Variants in HEATR1 observed in about 807,000 individuals in gnomAD.
The protein encoded by HEATR1 is HEAT repeat containing 1.
In HEATR1, 77 loss-of-function variants were observed where a neutral mutation model predicts 248.2. The observed-to-expected ratio is 0.31, with a 90% CI of 0.26 to 0.37. HEATR1 has a LOEUF of 0.37. Among genes scored for constraint, HEATR1 ranks in the 10% least tolerant of loss-of-function variants. HEATR1 has a pLI of 1.00. For synonymous variants in HEATR1, 897 were observed against 923.1 expected, an observed-to-expected ratio of 0.97 and a Z score of 0.51; for missense variants, 2,420 against 2,504.9, an observed-to-expected ratio of 0.97 and a Z score of 0.72.
At position 236,586,109 on chromosome 1, in the gene HEATR1, C is replaced by T. The variant is rs536551410; in HGVS notation, c.1927+132G>A. 219 of 1,237,856 alleles carry T rather than the reference C, an allele frequency of 1.8e-4. 2 individuals carry two copies. The South Asian group carries it at 2.8e-3, about 16-fold the overall frequency. 76.7% of individuals were successfully genotyped at this position (1,237,856 alleles called of 1,614,324 possible). On this transcript the variant is annotated intron_variant, in intron 15 of 44. Transcript: ENST00000366582. ...GAATTGGCTTCCTTTTCACTGTATA[C>T]TTTTTATCTTGGCAAAAATTTTAAA... is the stretch of plus-strand genomic sequence containing the variant.
At chr1:236,587,757 ATATTT>A (rs2103147771) in intron 13 of HEATR1, among the ~76,000 whole-genome samples, 186 bp downstream of exon 13, 1 of 152,238 alleles carries the variant, frequency 6.6e-6, no homozygotes, top group South Asian at 2.1e-4. Context: ...ACTTCCATAT[ATATTT>A]AATATATCAA....
chr1:236,582,887 A>G lies in HEATR1; in HGVS notation c.2426-15T>C. On this transcript the variant is annotated splice_polypyrimidine_tract_variant and intron_variant, in intron 18 of 44. Transcript: ENST00000366582. ...CCATATATCACCTACAAGGACATGG[A>G]AAGAGAAATGATGCTAGATCCTACA... is the stretch of plus-strand genomic sequence containing the variant. The G allele has an allele frequency of 1.2e-6, 2 of 1,613,374 alleles. No homozygotes were observed. The highest frequency in any genetic ancestry group is 1.7e-6 in the Non-Finnish European group (2 of 1,179,326).
At chr1:236,589,447 CTTAAAA>C (rs977476446) in intron 12 of HEATR1, among the ~76,000 whole-genome samples, 12 of 152,088 alleles carry the variant, frequency 7.9e-5, no homozygotes, top group Non-Finnish European at 1.6e-4. Flanking sequence ...TATATATCAA[CTTAAAA>C]TTAAGTATAA....
In HEATR1 at chr1:236,568,991, C is replaced by A. The variant is rs377467213; in HGVS notation, c.4077+5G>T. ...AAACCCCACGATGGTATAAAGAGAC[C>A]TTACCTGAATAAGTGCGGGAATAAC... On this transcript the variant is annotated splice_donor_5th_base_variant and intron_variant, in intron 29 of 44. Coordinates refer to ENST00000366582, the MANE Select transcript of HEATR1 (RefSeq NM_018072.6). 4 of 1,565,342 alleles carry A rather than the reference C, an allele frequency of 2.6e-6. No homozygotes were observed. Among genetic ancestry groups the A allele is most frequent in the Non-Finnish European group, 3.4e-6 (4 of 1,160,568 alleles).
At chr1:236,552,838 T>C (rs1239753864) in intron 43 of HEATR1, 3 of 152,238 alleles carry the variant, frequency 2.0e-5, no homozygotes, top group South Asian at 2.1e-4. Flanking sequence ...TTTCCTTGAT[T>C]TGTGCAAAGT....
At position 236,598,396 on chromosome 1, in the gene HEATR1, C is replaced by T. The variant is rs113441402; in HGVS notation, c.502-417G>A. 1.5e-3 allele frequency among the ~76,000 whole-genome samples: 222 copies of T among 152,188 alleles called. 2 individuals are homozygous for T. The highest frequency in any genetic ancestry group is 4.9e-3 in the African/African-American group (205 of 41,516). The stretch of plus-strand genomic sequence containing the variant: ...TTATACCACTATTCCCACCATCTAG[C>T]GTTGTACATGGTATGTAATAGATGC... On this transcript the variant is annotated intron_variant, in intron 4 of 44. Transcript: ENST00000366582.
chr1:236,553,178 G>GA (rs1662831313), intron 43 of HEATR1, among the ~76,000 whole-genome samples: 1 of 152,236 alleles, frequency 6.6e-6, no homozygotes, highest in South Asian at 2.1e-4. Context: ...ATAAACAACA[G>GA]AATGTATTGC....
chr1:236,603,978 C>T lies in HEATR1; in HGVS notation c.118G>A (p.Asp40Asn). The T allele has an allele frequency of 6.3e-7, 1 of 1,596,616 alleles. No homozygotes were observed. The highest frequency in any genetic ancestry group is 8.5e-7 in the Non-Finnish European group (1 of 1,174,702). The change falls in exon 2 of 45, where the codon GAC becomes AAC. Residue 40 changes from aspartate to asparagine, a missense_variant. By Grantham distance (23) the Asp-to-Asn change is conservative. Transcript: ENST00000366582. ...LFDPKEAATI[D>N]RDTAFAIGCT... Reference sequence around the variant, plus strand: ...CCAATGGCGAAGGCGGTGTCCCTGTCGATTGTGGCCGCTTCCTTAGGGTCA... The same window carrying T: ...CCAATGGCGAAGGCGGTGTCCCTGTTGATTGTGGCCGCTTCCTTAGGGTCA...
chr1:236,573,154 C>T (rs1050906349), intron 24 of HEATR1, among the ~76,000 whole-genome samples: 4 of 152,212 alleles, frequency 2.6e-5, no homozygotes, highest in Non-Finnish European at 4.4e-5. Context: ...TCTCAAGTTA[C>T]AGCCCTGCAC....
chr1:236,603,213 C>G lies in HEATR1; in HGVS notation c.306G>C (p.Ser102=). 1 of 1,614,076 alleles carries G rather than the reference C, an allele frequency of 6.2e-7. No individual in the cohort carries two copies. The highest frequency in any genetic ancestry group is 1.7e-5 in the Admixed American group (1 of 60,004). Reference sequence around the variant, plus strand: ...GTGCTGGCTTAAGCAGGAAGTAAGGCGACAAGTGAATAAGGAATAATGAAA... The same window carrying G: ...GTGCTGGCTTAAGCAGGAAGTAAGGGGACAAGTGAATAAGGAATAATGAAA... ...ENISLFLIHL[S]PYFLLKPAQK... Residue 102 remains serine, a synonymous_variant, in exon 3 of 45, where the codon TCG becomes TCC. Coordinates refer to ENST00000366582, the MANE Select transcript of HEATR1 (RefSeq NM_018072.6).
At chr1:236,593,198 GAAA>G (rs529623614) in intron 9 of HEATR1, among the ~76,000 whole-genome samples, 2 of 138,852 alleles carry the variant, frequency 1.4e-5, no homozygotes, top group African/African-American at 2.6e-5. Flanking sequence ...CCATCTTAAA[GAAA>G]AAAAAAAAAG....
intron 2 of HEATR1, among the ~76,000 whole-genome samples, chr1:236,603,592 C>CTTTTTTTT (rs55829950): frequency 7.8e-6 from 1 of 127,412 alleles, no homozygotes; most frequent in African/African-American, 2.7e-5. Flanking sequence ...GCAGGGAACA[C>CTTTTTTTT]TTTTTTTTTT....
chr1:236,597,198 A>G (rs1664200100), intron 5 of HEATR1, among the ~76,000 whole-genome samples: 3 of 151,828 alleles, frequency 2.0e-5, no homozygotes, highest in Non-Finnish European at 2.9e-5. Context: ...CAATGAATAC[A>G]CAATGTGACA....
chr1:236,576,912 T>C lies in HEATR1; in HGVS notation c.2793A>G (p.Val931=). 1 of 1,612,352 alleles carries C rather than the reference T, an allele frequency of 6.2e-7. No homozygotes were observed. Among genetic ancestry groups the C allele is most frequent in the Non-Finnish European group, 8.5e-7 (1 of 1,179,342 alleles). The stretch of plus-strand genomic sequence containing the variant: ...GAATGGCAGCCCTACGAACTTCTTT[T>C]ACGGGGCTTCCCAGGTTAATGAGTA... ...TSLLINLGSP[V]KEVRRAAIQC... is the part of the protein sequence containing the mutation. Residue 931 remains valine, a synonymous_variant, in exon 21 of 45, where the codon GTA becomes GTG. Transcript: ENST00000366582.
intron 29 of HEATR1, among the ~76,000 whole-genome samples, chr1:236,567,536 C>T (rs922427396): frequency 3.9e-5 from 6 of 152,128 alleles, no homozygotes; most frequent in Non-Finnish European, 8.8e-5. Flanking sequence ...CATGGTTAAA[C>T]CCATCTCTAC....
chr1:236,555,869 G>T lies in HEATR1; in HGVS notation c.5585C>A (p.Ser1862Tyr). ...AAAGGCGGTTAGCTGAGACTGATGG[G>T]AGGTGAGCTCTTCCTTCTTCATCAC... ...IGVMKKEELTSHQSQLTAFFL... is the reference protein window; with the variant it reads ...IGVMKKEELTYHQSQLTAFFL... The change falls in exon 39 of 45, where the codon TCC (serine) becomes TAC (tyrosine). Residue 1862 changes from serine (S) to tyrosine (Y), a missense_variant. Coordinates refer to ENST00000366582, the MANE Select transcript of HEATR1 (RefSeq NM_018072.6). 1 of 1,613,830 alleles carries T rather than the reference G, an allele frequency of 6.2e-7. No homozygotes were observed. The highest frequency in any genetic ancestry group is 8.5e-7 in the Non-Finnish European group (1 of 1,179,678).
rs1466691963 is a variant in HEATR1, at chr1:236,585,168, G to C, written c.2098C>G (p.Gln700Glu). 1.9e-6 allele frequency: 3 copies of C among 1,613,862 alleles called. No individual in the cohort carries two copies. Among genetic ancestry groups the C allele is most frequent in the Non-Finnish European group, 1.7e-6 (2 of 1,179,912 alleles). Residue 700 changes from glutamine (Q) to glutamate (E), a missense_variant, in exon 17 of 45, where the codon CAG becomes GAG. By Grantham distance (29) the Gln-to-Glu change is conservative. Coordinates refer to ENST00000366582, the MANE Select transcript of HEATR1 (RefSeq NM_018072.6). Reference protein sequence around the residue: ...VGEEESFNLKQKVTFHVILSV... With the variant: ...VGEEESFNLKEKVTFHVILSV... ...AGGATCACATGAAACGTTACTTTCT[G>C]CTTCAGGTTAAAGGACTCCTCCTCA...
At chr1:236,564,190 A>T (rs1663209506) in intron 32 of HEATR1, among the ~76,000 whole-genome samples, 1 of 152,198 alleles carries the variant, frequency 6.6e-6, no homozygotes, top group Non-Finnish European at 1.5e-5. Context: ...GTTTTGTGCT[A>T]CCATGAAGAA....
chr1:236,576,452 A>AAGTAGATGAGTATAACAAATAAATATTT, intron 21 of HEATR1, 75 bp from the exon 22 acceptor site: 1 of 1,048,344 alleles, frequency 9.5e-7, no homozygotes, highest in Non-Finnish European at 1.4e-6. Context: ...ATTACGGAAG[A>AAGTAGATGAGTATAACAAATAAATATTT]CTCTTACCCA....
Sources: allele counts gnomAD v4.1 joint callset (sites outside exome capture counted in the v4.1 genomes callset), GRCh38; gene constraint gnomAD v4.1.1; transcripts MANE v1.5; gene names NCBI Gene and HGNC (gene_info 2026-07-23, HGNC 2026-07-21).